NOX3: variants seen among roughly 807,000 people sequenced by gnomAD.
The protein encoded by NOX3 is NADPH oxidase catalytic subunit-like 3.
In NOX3, 74 loss-of-function variants were observed where a neutral mutation model predicts 76.7. The ratio of observed to expected loss-of-function variants is 0.96; its 90% CI spans 0.80 to 1.17. The LOEUF is 1.17. NOX3 is among the 50% of genes most tolerant of loss of function. The probability of loss-of-function intolerance (pLI) is 0.00; values close to 1 mark genes in which losing one functional copy is unlikely to be tolerated. For missense variants in NOX3, 695 were observed against 703.3 expected, an observed-to-expected ratio of 0.99 and a Z score of 0.13; for synonymous variants, 263 against 261.1, an observed-to-expected ratio of 1.01 and a Z score of -0.07.
At chr6:155,442,453 T>C (rs967381436) in intron 5 of NOX3, among the ~76,000 whole-genome samples, 1 of 152,158 alleles carries the variant, frequency 6.6e-6, no homozygotes, top group African/African-American at 2.4e-5. Flanking sequence ...CTTAAAGAGA[T>C]GGCCTGGATA....
At position 155,436,398 on chromosome 6, in the gene NOX3, G is replaced by T. The variant is rs1278475122; in HGVS notation, c.798+20C>A. 2.5e-6 allele frequency: 4 copies of T among 1,613,464 alleles called. No individual in the cohort carries two copies. Among genetic ancestry groups the T allele is most frequent in the East Asian group, 2.2e-5 (1 of 44,868 alleles). ...ACTGTGGTGACATTTATTTTTAAAA[G>T]CTCCTGGGTTCATTCTTACCGAGGG... On this transcript the variant is annotated intron_variant, in intron 7 of 13. Coordinates refer to ENST00000159060, the MANE Select transcript of NOX3 (RefSeq NM_015718.3).
rs1003060690 is a variant in NOX3 at position 155,400,244 on chromosome 6, G to C, written c.1581-3282C>G. On this transcript the variant is annotated intron_variant, in intron 12 of 13. Transcript: ENST00000159060. ...TATGGGCGTGTGGGTGCGCCCGGGAGTGATCCCACCACCTCGCTGAATTCC... is the reference window on the plus strand; with the variant it reads ...TATGGGCGTGTGGGTGCGCCCGGGACTGATCCCACCACCTCGCTGAATTCC... Among the ~76,000 whole-genome samples the C allele has an allele frequency of 3.3e-5, 5 of 152,214 alleles. No homozygotes were observed. In the South Asian group the frequency reaches 1.0e-3, roughly 31 times the overall value.
chr6:155,431,436 A>ACACACACACC (rs1300671498), intron 7 of NOX3, among the ~76,000 whole-genome samples: 1 of 151,856 alleles, frequency 6.6e-6, no homozygotes, highest in Non-Finnish European at 1.5e-5. Context: ...ACACACACAC[A>ACACACACACC]CACACACACA....
At chr6:155,410,175 A>G (rs552993124) in intron 11 of NOX3, among the ~76,000 whole-genome samples, 1 of 152,362 alleles carries the variant, frequency 6.6e-6, no homozygotes, top group South Asian at 2.1e-4. Flanking sequence ...ATCCCAAAGG[A>G]TTAAATATTT....
At chr6:155,452,118 G>T (rs1777152856) in intron 4 of NOX3, among the ~76,000 whole-genome samples, 1 of 152,152 alleles carries the variant, frequency 6.6e-6, no homozygotes, top group African/African-American at 2.4e-5. Flanking sequence ...TCCTTGAATT[G>T]CTTCTGTGAT....
rs1315320053 is a variant in NOX3, at chr6:155,440,029, A to G, written c.595T>C (p.Ser199Pro). Residue 199 changes from serine to proline, a missense_variant, in exon 6 of 14, where the codon TCC becomes CCC. By Grantham distance (74) the Ser-to-Pro change is moderately conservative (BLOSUM62 -1). Transcript: ENST00000159060. ...TSSTEFIRQA[S>P]YELFWYTHHV... The stretch of plus-strand genomic sequence containing the variant: ...TGTGTGTACCAGAACAACTCATAGG[A>G]GGCCTGTCTGATGAACTCAGTTGAC... 1 of 1,614,110 alleles carries G rather than the reference A, an allele frequency of 6.2e-7. No homozygotes were observed. Among genetic ancestry groups the G allele is most frequent in the Non-Finnish European group, 8.5e-7 (1 of 1,179,990 alleles).
At position 155,436,016 on chromosome 6, in the gene NOX3, C is replaced by G. The variant is rs181029168; in HGVS notation, c.798+402G>C. On this transcript the variant is annotated intron_variant, in intron 7 of 13. Coordinates refer to ENST00000159060, the MANE Select transcript of NOX3 (RefSeq NM_015718.3). ...TAAAGAAGCCCTGAGCCTCATTTGG[C>G]TGTTCATTGACCTAGGTTTGAGCAG... is the stretch of plus-strand genomic sequence containing the variant. 3.1e-3 allele frequency among the ~76,000 whole-genome samples: 471 copies of G among 152,274 alleles called. 3 individuals are homozygous for G. The highest frequency in any genetic ancestry group is 0.011 in the African/African-American group (449 of 41,562).
At chr6:155,424,513 G>T (rs1412343748) in intron 9 of NOX3, among the ~76,000 whole-genome samples, 1 of 152,094 alleles carries the variant, frequency 6.6e-6, no homozygotes, top group African/African-American at 2.4e-5. Flanking sequence ...TTCCCTAAGG[G>T]GTGTCTGTTG....
chr6:155,406,903 G>A (rs71575035), intron 12 of NOX3, among the ~76,000 whole-genome samples: 1 of 152,230 alleles, frequency 6.6e-6, no homozygotes, highest in African/African-American at 2.4e-5. Flanking sequence ...TCTTTAAATG[G>A]AGGTTAAGTG....
chr6:155,433,454 C>A (rs1178914576), intron 7 of NOX3, among the ~76,000 whole-genome samples: 3 of 152,256 alleles, frequency 2.0e-5, no homozygotes, highest in Non-Finnish European at 4.4e-5. Flanking sequence ...GACCTGGATT[C>A]TGGCCTTGGG....
At chr6:155,422,610 C>T (rs1776704272) in intron 10 of NOX3, 84 bp downstream of exon 10, 1 of 1,321,820 alleles carries the variant, frequency 7.6e-7, no homozygotes, top group Non-Finnish European at 1.1e-6. Flanking sequence ...TAATTAAAAT[C>T]CTCCCCAAGA....
chr6:155,409,221 C>G (rs1776509133), intron 11 of NOX3, among the ~76,000 whole-genome samples: 1 of 152,104 alleles, frequency 6.6e-6, no homozygotes, highest in South Asian at 2.1e-4. Context: ...AGGTGGGGAA[C>G]AGTGGCAGAG....
chr6:155,412,278 A>C (rs537462475), intron 10 of NOX3, among the ~76,000 whole-genome samples: 1 of 152,056 alleles, frequency 6.6e-6, no homozygotes, highest in African/African-American at 2.4e-5. Flanking sequence ...CCAGTGATCA[A>C]TGTTCTCTTC....
intron 10 of NOX3, among the ~76,000 whole-genome samples, chr6:155,411,950 T>A (rs564527331): frequency 6.6e-6 from 1 of 152,290 alleles, no homozygotes; most frequent in South Asian, 2.1e-4. Context: ...ACTGCTATAA[T>A]GAAATTATGA....
rs1359882658 is a variant in NOX3, at chr6:155,404,125, ATATT to A, written c.1580+3001_1580+3004del. 8.5e-3 allele frequency among the ~76,000 whole-genome samples: 1,161 copies of A among 136,698 alleles called. 14 individuals carry two copies. The highest frequency in any genetic ancestry group is 0.03 in the African/African-American group (1,003 of 33,572). 89.7% of individuals were successfully genotyped at this position (136,698 alleles called of 152,430 possible). ...TTTATCAGTGAATATATATATATATATATTTTTTTTTTCCCAAAAGGAGAAAATA... is the reference window on the plus strand; with the variant it reads ...TTTATCAGTGAATATATATATATATATTTTTTTTCCCAAAAGGAGAAAATA... On this transcript the variant is annotated intron_variant, in intron 12 of 13. Coordinates refer to ENST00000159060, the MANE Select transcript of NOX3 (RefSeq NM_015718.3).
chr6:155,451,231 G>A (rs569317100), intron 4 of NOX3, among the ~76,000 whole-genome samples: 8 of 152,144 alleles, frequency 5.3e-5, no homozygotes, highest in East Asian at 1.9e-4. Flanking sequence ...CACCCGCCCC[G>A]GCCTCCCAAA....
chr6:155,426,470 C>A (rs1011629733), intron 9 of NOX3, among the ~76,000 whole-genome samples: 15 of 152,032 alleles, frequency 9.9e-5, no homozygotes, highest in African/African-American at 3.6e-4. Context: ...GGCATCATGG[C>A]GATTGAGTGA....
chr6:155,436,627 G>T, intron 6 of NOX3, 80 bp from the exon 7 acceptor site: 17 of 1,474,978 alleles, frequency 1.2e-5, no homozygotes, highest in Non-Finnish European at 1.5e-5. Flanking sequence ...TCTCCCACAG[G>T]TATATATCCT....
chr6:155,445,902 A>T (rs907191645), intron 4 of NOX3, among the ~76,000 whole-genome samples: 3 of 139,540 alleles, frequency 2.1e-5, no homozygotes, highest in African/African-American at 5.2e-5. Flanking sequence ...TATATATATT[A>T]TATATATGCT....
Sources: allele counts gnomAD v4.1 joint callset (sites outside exome capture counted in the v4.1 genomes callset), GRCh38; gene constraint gnomAD v4.1.1; transcripts MANE v1.5; gene names NCBI Gene and HGNC (gene_info 2026-07-23, HGNC 2026-07-21).